Variants in SNX16 observed in about 807,000 individuals in gnomAD.
SNX16 encodes the protein sorting nexin-16.
In SNX16, 35 loss-of-function variants were observed where a neutral mutation model predicts 36.7. The observed-to-expected ratio is 0.95, with a 90% confidence interval of 0.73 to 1.27. The LOEUF (loss-of-function observed/expected upper bound fraction) is 1.27, where lower values mean the gene tolerates loss of function less well. SNX16 is among the 50% of genes most tolerant of loss of function. SNX16 has a pLI of 0.00. For missense variants in SNX16, 367 were observed against 393.6 expected, an observed-to-expected ratio of 0.93 and a Z score of 0.57; for synonymous variants, 134 against 132.0, an observed-to-expected ratio of 1.02 and a Z score of -0.10.
chr8:81,835,488 T>C (rs922102921), intron 2 of SNX16, among the ~76,000 whole-genome samples: 29 of 152,300 alleles, frequency 1.9e-4, no homozygotes, highest in African/African-American at 6.0e-4. Flanking sequence ...TTTCCAAACT[T>C]TTATGCTGTG....
intron 2 of SNX16, among the ~76,000 whole-genome samples, chr8:81,838,605 C>T (rs1267744376): frequency 6.7e-6 from 1 of 149,520 alleles, no homozygotes; most frequent in South Asian, 2.1e-4. Context: ...TTGACCCTCA[C>T]CTCACACCAT....
intron 5 of SNX16, among the ~76,000 whole-genome samples, chr8:81,811,817 TCA>T (rs1209425635): frequency 6.6e-6 from 1 of 152,048 alleles, no homozygotes; most frequent in African/African-American, 2.4e-5. Context: ...AAAAAGGCAG[TCA>T]ATTGAAGCTA....
At chr8:81,841,044 AG>A (rs1563460399) in intron 1 of SNX16, among the ~76,000 whole-genome samples, 2 of 152,212 alleles carry the variant, frequency 1.3e-5, no homozygotes, top group Admixed American at 1.3e-4. Context: ...TGCTGAAATA[AG>A]ATTTTTAACT....
Position 81,800,540 on chromosome 8 carries a change from T to C in SNX16, c.*957A>G, listed in dbSNP as rs1454395764. On this transcript the variant is annotated 3_prime_UTR_variant, in exon 8 of 8. Transcript: ENST00000345957. Reference sequence around the variant, plus strand: ...ATTATCATAAAGTGCATCACTTGGCTAAATATATTAAAAAGAAAATCAGCC... The same window carrying C: ...ATTATCATAAAGTGCATCACTTGGCCAAATATATTAAAAAGAAAATCAGCC... 1 of 152,260 alleles carries C rather than the reference T, an allele frequency of 6.6e-6. No individual in the cohort carries two copies. Among genetic ancestry groups the C allele is most frequent in the Admixed American group, 6.6e-5 (1 of 15,244 alleles). 9.4% of individuals were successfully genotyped at this position (152,260 alleles called of 1,614,324 possible).
intron 4 of SNX16, among the ~76,000 whole-genome samples, chr8:81,819,196 C>T (rs1479362333): frequency 6.6e-6 from 1 of 151,938 alleles, no homozygotes; most frequent in East Asian, 1.9e-4. Context: ...AAAAAAATGG[C>T]ATGTAAGATA....
chr8:81,802,675 TA>T (rs1236705836), intron 6 of SNX16, among the ~76,000 whole-genome samples, 176 bp from the exon 7 acceptor site: 2 of 151,788 alleles, frequency 1.3e-5, no homozygotes, highest in African/African-American at 4.8e-5. Flanking sequence ...ATGATTAATT[TA>T]AAATGACTTT....
intron 4 of SNX16, among the ~76,000 whole-genome samples, chr8:81,822,813 A>G (rs1460864794): frequency 6.6e-6 from 1 of 151,822 alleles, no homozygotes; most frequent in African/African-American, 2.4e-5. Context: ...AATCTGGAGT[A>G]GAAAGAATGG....
At chr8:81,827,727 C>T (rs1473901428) in intron 3 of SNX16, among the ~76,000 whole-genome samples, 1 of 152,078 alleles carries the variant, frequency 6.6e-6, no homozygotes, top group African/African-American at 2.4e-5. Context: ...TAAATAACTA[C>T]AAAGTTACAT....
intron 4 of SNX16, among the ~76,000 whole-genome samples, chr8:81,822,201 T>C (rs908736084): frequency 5.3e-5 from 8 of 152,010 alleles, no homozygotes; most frequent in African/African-American, 1.9e-4. Flanking sequence ...GGAGGCCAGT[T>C]ACCTAACGAA....
At chr8:81,825,360 T>C (rs1156306377) in intron 3 of SNX16, among the ~76,000 whole-genome samples, 1 of 152,186 alleles carries the variant, frequency 6.6e-6, no homozygotes, top group African/African-American at 2.4e-5. Context: ...TTAGGCTGTC[T>C]TAGTAGACCA....
chr8:81,812,574 C>A (rs1176510560), intron 5 of SNX16, among the ~76,000 whole-genome samples: 1 of 151,898 alleles, frequency 6.6e-6, no homozygotes, highest in Non-Finnish European at 1.5e-5. Context: ...CAAAAATGAC[C>A]ATTTCCAGCT....
chr8:81,816,293 G>T (rs763970426), intron 4 of SNX16, among the ~76,000 whole-genome samples: 3 of 151,086 alleles, frequency 2.0e-5, no homozygotes, highest in Non-Finnish European at 4.4e-5. Flanking sequence ...GGGTTCCAGC[G>T]ATTCTCCTGC....
intron 4 of SNX16, among the ~76,000 whole-genome samples, chr8:81,817,770 A>G (rs900438785): frequency 6.6e-6 from 1 of 152,148 alleles, no homozygotes; most frequent in African/African-American, 2.4e-5. Context: ...CCTTTCTTAG[A>G]AATTCTGATA....
chr8:81,807,653 C>T (rs1810027781), intron 5 of SNX16: 1 of 444,756 alleles, frequency 2.2e-6, no homozygotes, highest in Non-Finnish European at 4.2e-6. Flanking sequence ...AGGTTGGGAT[C>T]ACTGGTCATC....
At chr8:81,839,466 G>C (rs1247919478) in intron 2 of SNX16, 146 bp downstream of exon 2, 1 of 846,528 alleles carries the variant, frequency 1.2e-6, no homozygotes, top group Non-Finnish European at 1.8e-6. Context: ...ACTACAACAT[G>C]ATAGAATTCA....
At chr8:81,805,069 A>G in intron 5 of SNX16, among the ~76,000 whole-genome samples, 1 of 152,152 alleles carries the variant, frequency 6.6e-6, no homozygotes. Context: ...ACAATTAAGA[A>G]ATACATATTC....
rs539396478 is a variant in SNX16 at position 81,839,736 on chromosome 8, A to G, written c.251T>C (p.Ile84Thr). 3.2e-4 allele frequency: 523 copies of G among 1,613,978 alleles called. 7 individuals are homozygous for G. The South Asian group carries it at 5.3e-3, about 16-fold the overall frequency. The stretch of plus-strand genomic sequence containing the variant: ...GTCTCTTGGTCTAGTAGAATACTCA[A>G]TGGAAGAAGCTGTACCTGTAAATTT... ...RTKFTGTASSIEYSTRPRDTE... is the reference protein window; with the variant it reads ...RTKFTGTASSTEYSTRPRDTE... The change falls in exon 2 of 8, where the codon ATT becomes ACT. Residue 84 changes from isoleucine to threonine, a missense_variant. Transcript: ENST00000345957.
At chr8:81,838,157 T>C (rs1285928772) in intron 2 of SNX16, among the ~76,000 whole-genome samples, 1 of 152,112 alleles carries the variant, frequency 6.6e-6, no homozygotes, top group East Asian at 1.9e-4. Flanking sequence ...ACAACATCCA[T>C]ATCCTGAAAT....
intron 2 of SNX16, among the ~76,000 whole-genome samples, chr8:81,830,422 T>G (rs1811201195): frequency 6.6e-6 from 1 of 151,662 alleles, no homozygotes; most frequent in Non-Finnish European, 1.5e-5. Context: ...ACAAAAAAAA[T>G]TAGCCGGGCA....
Sources: allele counts gnomAD v4.1 joint callset (sites outside exome capture counted in the v4.1 genomes callset), GRCh38; gene constraint gnomAD v4.1.1; transcripts MANE v1.5; gene names NCBI Gene and HGNC (gene_info 2026-07-23, HGNC 2026-07-21).